Variants in B3GALT1 observed in about 807,000 individuals in gnomAD.
The protein encoded by B3GALT1 is beta-1,3-galactosyltransferase 1.
A neutral mutation model predicts 23.2 loss-of-function variants in B3GALT1; 10 were observed. The ratio of observed to expected loss-of-function variants is 0.43; its 90% confidence interval spans 0.27 to 0.73. The LOEUF is 0.73. B3GALT1 is among the 30% of genes least tolerant of loss of function. B3GALT1 has a pLI of 0.21. For synonymous variants in B3GALT1, 156 were observed against 141.5 expected, an observed-to-expected ratio of 1.10 and a Z score of -0.73; for missense variants, 299 against 405.4, an observed-to-expected ratio of 0.74 and a Z score of 2.25.
chr2:167,416,382 A>C (rs1698471184), intron 1 of B3GALT1, among the ~76,000 whole-genome samples: 1 of 152,234 alleles, frequency 6.6e-6, no homozygotes. Context: ...AGTGGCATCC[A>C]TGTGCAAATT....
At chr2:167,846,762 A>G (rs563322359) in intron 4 of B3GALT1, among the ~76,000 whole-genome samples, 1 of 152,372 alleles carries the variant, frequency 6.6e-6, no homozygotes, top group South Asian at 2.1e-4. Context: ...CTCACATTTC[A>G]ATACTAACAT....
At chr2:167,574,994 G>A (rs1257028033) in intron 2 of B3GALT1, among the ~76,000 whole-genome samples, 1 of 151,682 alleles carries the variant, frequency 6.6e-6, no homozygotes, top group Non-Finnish European at 1.5e-5. Flanking sequence ...ACAGCATAAT[G>A]TCTCTAGAAT....
chr2:167,852,467 GGTGT>G (rs66820655), intron 4 of B3GALT1, among the ~76,000 whole-genome samples: 16,459 of 146,140 alleles, frequency 0.11, 1,154 homozygotes, highest in East Asian at 0.37. Context: ...TATTCGTGAT[GGTGT>G]GTGTGTGTGT....
intron 1 of B3GALT1, among the ~76,000 whole-genome samples, chr2:167,429,511 CAT>C (rs1698676286): frequency 6.6e-6 from 1 of 151,988 alleles, no homozygotes; most frequent in African/African-American, 2.4e-5. Flanking sequence ...TAGCTTAAGA[CAT>C]GTGAGAAATT....
At chr2:167,508,594 T>C (rs1383978123) in intron 2 of B3GALT1, among the ~76,000 whole-genome samples, 4 of 152,122 alleles carry the variant, frequency 2.6e-5, no homozygotes, top group African/African-American at 9.7e-5. Context: ...AGTCAATGAA[T>C]ACTAAAAGTT....
chr2:167,333,044 CTT>C (rs1696998700), intron 1 of B3GALT1, among the ~76,000 whole-genome samples: 1 of 152,106 alleles, frequency 6.6e-6, no homozygotes, highest in South Asian at 2.1e-4. Context: ...TTTCAGAAAA[CTT>C]AATTCTAGGT....
intron 1 of B3GALT1, among the ~76,000 whole-genome samples, chr2:167,418,650 T>G (rs978836673): frequency 6.6e-6 from 1 of 151,546 alleles, no homozygotes. Flanking sequence ...TGAAGCCACT[T>G]TCCCAATTTC....
intron 3 of B3GALT1, among the ~76,000 whole-genome samples, chr2:167,656,297 G>A (rs1685955077): frequency 6.6e-6 from 1 of 152,108 alleles, no homozygotes; most frequent in African/African-American, 2.4e-5. Context: ...TCTTCCTTAT[G>A]TTTCAACACT....
At chr2:167,508,540 G>A (rs1699957815) in intron 2 of B3GALT1, among the ~76,000 whole-genome samples, 1 of 152,100 alleles carries the variant, frequency 6.6e-6, no homozygotes, top group Non-Finnish European at 1.5e-5. Context: ...TTACAGGCGT[G>A]AGCCACTGCA....
chr2:167,634,029 G>A (rs1685505264), intron 2 of B3GALT1, among the ~76,000 whole-genome samples: 1 of 152,086 alleles, frequency 6.6e-6, no homozygotes, highest in Non-Finnish European at 1.5e-5. Flanking sequence ...TTAGAACTCA[G>A]GATTAAGAAA....
intron 1 of B3GALT1, among the ~76,000 whole-genome samples, chr2:167,314,238 G>T (rs1210974177): frequency 6.6e-6 from 1 of 152,102 alleles, no homozygotes; most frequent in Non-Finnish European, 1.5e-5. Flanking sequence ...AGCTGCTGGG[G>T]AATGGAAGAG....
At chr2:167,394,007 G>A (rs1234532440) in intron 1 of B3GALT1, among the ~76,000 whole-genome samples, 1 of 152,254 alleles carries the variant, frequency 6.6e-6, no homozygotes, top group South Asian at 2.1e-4. Context: ...TTGCAGAAAC[G>A]TCTCAATTTT....
At chr2:167,768,301 T>C (rs1016993549) in intron 3 of B3GALT1, among the ~76,000 whole-genome samples, 6 of 152,272 alleles carry the variant, frequency 3.9e-5, no homozygotes, top group African/African-American at 1.4e-4. Context: ...ATTTACTCCA[T>C]GCTTCCCAAC....
At chr2:167,426,928 T>C (rs989113595) in intron 1 of B3GALT1, among the ~76,000 whole-genome samples, 3 of 152,230 alleles carry the variant, frequency 2.0e-5, no homozygotes, top group African/African-American at 7.2e-5. Context: ...CATTGCAACA[T>C]TGTTTTAATA....
intron 3 of B3GALT1, among the ~76,000 whole-genome samples, chr2:167,690,508 A>G (rs1025127367): frequency 2.6e-5 from 4 of 152,134 alleles, no homozygotes; most frequent in Non-Finnish European, 4.4e-5. Context: ...CAGATTTTCT[A>G]TTACAAGAAA....
chr2:167,849,983 G>T (rs189317836), intron 4 of B3GALT1, among the ~76,000 whole-genome samples: 28 of 151,390 alleles, frequency 1.8e-4, no homozygotes, highest in African/African-American at 6.5e-4. Context: ...CATTGGCTTA[G>T]GCAAGGATTT....
At chr2:167,669,344 A>G (rs1041592569) in intron 3 of B3GALT1, among the ~76,000 whole-genome samples, 21 of 152,344 alleles carry the variant, frequency 1.4e-4, no homozygotes, top group Non-Finnish European at 2.2e-4. Flanking sequence ...GCAAAATTCA[A>G]ATAAGTTCTT....
At chr2:167,797,182 T>C (rs1334940193) in intron 3 of B3GALT1, among the ~76,000 whole-genome samples, 1 of 152,178 alleles carries the variant, frequency 6.6e-6, no homozygotes, top group African/African-American at 2.4e-5. Flanking sequence ...CCTGTCTCCA[T>C]GTGTTCTCAT....
At chr2:167,626,273 G>T (rs10188463) in intron 2 of B3GALT1, among the ~76,000 whole-genome samples, 100,435 of 151,124 alleles carry the variant, frequency 0.66, 34,612 homozygotes, top group Admixed American at 0.8. Context: ...CTGAAATCTC[G>T]AATTCTAATC....
Sources: allele counts gnomAD v4.1 joint callset (sites outside exome capture counted in the v4.1 genomes callset), GRCh38; gene constraint gnomAD v4.1.1; transcripts MANE v1.5; gene names NCBI Gene and HGNC (gene_info 2026-07-23, HGNC 2026-07-21).